ZNF506: variants seen among roughly 807,000 people sequenced by gnomAD.
The protein encoded by ZNF506 is zinc finger protein 506.
Under a neutral mutation model 11.6 loss-of-function variants are expected in ZNF506, and 10 were observed. The observed-to-expected ratio is 0.86, with a 90% confidence interval of 0.53 to 1.46. The LOEUF is 1.46. Ranked by LOEUF, ZNF506 falls within the 40% of genes most tolerant of loss-of-function variation. The probability of loss-of-function intolerance (pLI) is 0.00; values close to 1 mark genes in which losing one functional copy is unlikely to be tolerated. For synonymous variants in ZNF506, 156 were observed against 173.3 expected, an observed-to-expected ratio of 0.90 and a Z score of 0.78; for missense variants, 425 against 521.2, an observed-to-expected ratio of 0.82 and a Z score of 1.80.
In ZNF506 at chr19:19,816,060, A is replaced by G. The variant is rs1599528325; in HGVS notation, c.3+5541T>C. Among the ~76,000 whole-genome samples the G allele has an allele frequency of 3.3e-5, 5 of 152,156 alleles. No homozygotes were observed. In the South Asian group the frequency reaches 1.0e-3, roughly 32 times the overall value. On this transcript the variant is annotated intron_variant, in intron 1 of 3. Transcript: ENST00000540806. Reference sequence around the variant, plus strand: ...AAACACCCTTCCCATTATGAGTTAGATGGTGCTCTCTTTTCTTACCTATCA... The same window carrying G: ...AAACACCCTTCCCATTATGAGTTAGGTGGTGCTCTCTTTTCTTACCTATCA...
At chr19:19,821,492 C>T (rs1209168496) in intron 1 of ZNF506, 109 bp downstream of exon 1, 10 of 1,422,664 alleles carry the variant, frequency 7.0e-6, no homozygotes, top group African/African-American at 4.2e-5. Flanking sequence ...GATTGTGGAG[C>T]TGACTGCCGG....
Position 19,804,921 on chromosome 19 carries a change from C to T in ZNF506, c.226+1110G>A, listed in dbSNP as rs565213153. On this transcript the variant is annotated intron_variant, in intron 3 of 3. Coordinates refer to ENST00000540806, the MANE Select transcript of ZNF506 (RefSeq NM_001099269.3). ...ACACAGGGCAGGGAACATCACACACCGGGGCCTGTCATGGGGTGGGGGGAT... is the reference window on the plus strand; with the variant it reads ...ACACAGGGCAGGGAACATCACACACTGGGGCCTGTCATGGGGTGGGGGGAT... Among the ~76,000 whole-genome samples the T allele has an allele frequency of 1.7e-4, 25 of 147,742 alleles. No individual in the cohort carries two copies. In the East Asian group the frequency reaches 4.0e-3, roughly 24 times the overall value.
Position 19,795,372 on chromosome 19 carries a change from G to T in ZNF506, c.515C>A (p.Ser172Tyr), listed in dbSNP as rs1395662079. Residue 172 changes from serine (S) to tyrosine (Y), a missense_variant, in exon 4 of 4, where the codon TCT becomes TAT. Around this residue, in one of 3 missense-constraint regions of ZNF506, gnomAD observed 226 missense variants for 279.1 expected, o/e 0.81. Coordinates refer to ENST00000540806, the MANE Select transcript of ZNF506 (RefSeq NM_001099269.3). The stretch of plus-strand genomic sequence containing the variant: ...TTTCCCATATTCTATACATTTAAAA[G>T]ATTTTTTTCCAGTATCTCTTATCTT... Reference protein sequence around the residue: ...KHKIRDTGKKSFKCIEYGKTF... With the variant: ...KHKIRDTGKKYFKCIEYGKTF... The T allele has an allele frequency of 4.4e-6, 7 of 1,608,178 alleles. No individual in the cohort carries two copies. The highest frequency in any genetic ancestry group is 3.3e-5 in the South Asian group (3 of 90,020).
At position 19,795,049 on chromosome 19, in the gene ZNF506, T is replaced by G; in HGVS notation, c.838A>C (p.Thr280Pro). Residue 280 changes from threonine to proline, a missense_variant, in exon 4 of 4, where the codon ACT becomes CCT. Transcript: ENST00000540806. ...TCACACTTGTATGGTTTCTCTCCAGTATGAATTTTCTTATGTGAAAAAAGG... is the reference window on the plus strand; with the variant it reads ...TCACACTTGTATGGTTTCTCTCCAGGATGAATTTTCTTATGTGAAAAAAGG... Reference protein sequence around the residue: ...ATLFSHKKIHTGEKPYKCDKC... With the variant: ...ATLFSHKKIHPGEKPYKCDKC... The G allele has an allele frequency of 6.2e-7, 1 of 1,613,894 alleles. No individual in the cohort carries two copies.
At position 19,806,097 on chromosome 19, in the gene ZNF506, T is replaced by TGATC; in HGVS notation, c.156_159dup (p.Thr54AspfsTer17). 1 of 1,606,354 alleles carries TGATC rather than the reference T, an allele frequency of 6.2e-7. No individual in the cohort carries two copies. The highest frequency in any genetic ancestry group is 8.5e-7 in the Non-Finnish European group (1 of 1,177,984). On this transcript the variant is annotated frameshift_variant, in exon 3 of 4. Transcript: ENST00000540806. LOFTEE classifies it high-confidence loss of function. ...GGTTTTTTTCCTTGCTCCAGACAGGTGATCAGGTTTGGTTTAGAGACAACA... is the reference window on the plus strand; with the variant it reads ...GGTTTTTTTCCTTGCTCCAGACAGGTGATCGATCAGGTTTGGTTTAGAGACAACA...
rs201242017 is a variant in ZNF506 at position 19,819,189 on chromosome 19, G to GT, written c.3+2411dup. 9.8e-4 allele frequency among the ~76,000 whole-genome samples: 149 copies of GT among 151,738 alleles called. 1 individual carries two copies. Among genetic ancestry groups the GT allele is most frequent in the African/African-American group, 3.4e-3 (141 of 41,348 alleles). ...TTTTTACGCCCTCTCACTGGGGTCA[G>GT]TTTTTTTTGTCTTTTGAAGTGTTTT... is the stretch of plus-strand genomic sequence containing the variant. On this transcript the variant is annotated intron_variant, in intron 1 of 3. Coordinates refer to ENST00000540806, the MANE Select transcript of ZNF506 (RefSeq NM_001099269.3).
At chr19:19,812,968 C>T (rs1239077039) in intron 1 of ZNF506, among the ~76,000 whole-genome samples, 1 of 152,168 alleles carries the variant, frequency 6.6e-6, no homozygotes, top group African/African-American at 2.4e-5. Flanking sequence ...CATCTCCTAG[C>T]CATTGAATAG....
Position 19,809,193 on chromosome 19 carries a change from C to T in ZNF506, c.4-2125G>A, listed in dbSNP as rs189581122. Among the ~76,000 whole-genome samples the T allele has an allele frequency of 6.6e-5, 10 of 152,224 alleles. No individual in the cohort carries two copies. In the East Asian group the frequency reaches 1.9e-3, roughly 29 times the overall value. On this transcript the variant is annotated intron_variant, in intron 1 of 3. Transcript: ENST00000540806. ...CACAAAGGAAACATTTTTAATATTG[C>T]AGATTATAAATTATTGCTGAGAATC...
chr19:19,802,092 C>T (rs893769560), intron 3 of ZNF506, among the ~76,000 whole-genome samples: 1 of 150,780 alleles, frequency 6.6e-6, no homozygotes, highest in African/African-American at 2.4e-5. Context: ...GTAATTGCAG[C>T]TACTTGGGAG....
chr19:19,801,800 A>G (rs1179482850), intron 3 of ZNF506, among the ~76,000 whole-genome samples: 1 of 151,444 alleles, frequency 6.6e-6, no homozygotes, highest in Non-Finnish European at 1.5e-5. Flanking sequence ...CAAAAAAAAA[A>G]GAGAAACCTA....
At chr19:19,807,102 T>G in intron 1 of ZNF506, 34 bp from the exon 2 acceptor site, 1 of 1,610,326 alleles carries the variant, frequency 6.2e-7, no homozygotes, top group Non-Finnish European at 8.5e-7. Flanking sequence ...TTTTACCAAG[T>G]GGCCATGGGT....
At chr19:19,799,449 A>G in intron 3 of ZNF506, 1 of 676,082 alleles carries the variant, frequency 1.5e-6, no homozygotes, top group South Asian at 1.6e-5. Context: ...TTTATAGACC[A>G]CCTGTTAGGT....
At position 19,795,234 on chromosome 19, in the gene ZNF506, GTAGTAAGGTGTGAGGACTGCTTA is replaced by G; in HGVS notation, c.630_652del (p.Lys211ThrfsTer2). The G allele has an allele frequency of 6.2e-7, 1 of 1,613,888 alleles. No individual in the cohort carries two copies. The highest frequency in any genetic ancestry group is 8.5e-7 in the Non-Finnish European group (1 of 1,179,930). On this transcript the variant is annotated frameshift_variant, in exon 4 of 4. Transcript: ENST00000540806. LOFTEE classifies it low-confidence loss of function (END_TRUNC). ...CTCTCCAGTATGAATTTTCTTATGT[GTAGTAAGGTGTGAGGACTGCTTA>G]TAGGCTTTACCACATTCTTCACATT... is the stretch of plus-strand genomic sequence containing the variant.
chr19:19,795,426 A>G lies in ZNF506; in HGVS notation c.461T>C (p.Leu154Ser). The G allele has an allele frequency of 1.3e-6, 2 of 1,595,026 alleles. No individual in the cohort carries two copies. Among genetic ancestry groups the G allele is most frequent in the South Asian group, 2.3e-5 (2 of 87,066 alleles). Residue 154 changes from leucine (L) to serine (S), a missense_variant, in exon 4 of 4, where the codon TTG becomes TCG. Transcript: ENST00000540806. Reference sequence around the variant, plus strand: ...TTTGTTTGAATTTGAAAATTTATGCAAGAATTTCACATATTCATCACATTG... The same window carrying G: ...TTTGTTTGAATTTGAAAATTTATGCGAGAATTTCACATATTCATCACATTG... ...IFQCDEYVKFLHKFSNSNKHK... is the reference protein window; with the variant it reads ...IFQCDEYVKFSHKFSNSNKHK...
rs755978025 is a variant in ZNF506 at position 19,795,396 on chromosome 19, T to C, written c.491A>G (p.Lys164Arg). 6 of 1,596,108 alleles carry C rather than the reference T, an allele frequency of 3.8e-6. No individual in the cohort carries two copies. The highest frequency in any genetic ancestry group is 5.1e-6 in the Non-Finnish European group (6 of 1,174,048). The change falls in exon 4 of 4, where the codon AAG becomes AGG. Residue 164 changes from lysine to arginine, a missense_variant. Lys to Arg is a conservative substitution (Grantham distance 26, BLOSUM62 2). Around this residue, in one of 3 missense-constraint regions of ZNF506, gnomAD observed 226 missense variants for 279.1 expected, o/e 0.81. Transcript: ENST00000540806. ...AGATTTTTTTCCAGTATCTCTTATC[T>C]TATGTTTGTTTGAATTTGAAAATTT... ...LHKFSNSNKH[K>R]IRDTGKKSFK...
Position 19,795,305 on chromosome 19 carries a change from A to C in ZNF506, c.582T>G (p.Ile194Met). 6.2e-7 allele frequency: 1 copy of C among 1,613,964 alleles called. No individual in the cohort carries two copies. Among genetic ancestry groups the C allele is most frequent in the East Asian group, 2.2e-5 (1 of 44,854 alleles). The change falls in exon 4 of 4, where the codon ATT becomes ATG. Residue 194 changes from isoleucine (I) to methionine (M), a missense_variant. Ile to Met is a conservative substitution (Grantham distance 10). Around this residue, in one of 3 missense-constraint regions of ZNF506, gnomAD observed 226 missense variants for 279.1 expected, o/e 0.81. Transcript: ENST00000540806. The stretch of plus-strand genomic sequence containing the variant: ...ATTTATAGCGTTTCTCTCCAGCATC[A>C]ATTTTCTTATATGTAGTACGGGTTG... Reference protein sequence around the residue: ...QSSTRTTYKKIDAGEKRYKCE... With the variant: ...QSSTRTTYKKMDAGEKRYKCE...
At chr19:19,821,377 A>AC (rs2062966070) in intron 1 of ZNF506, among the ~76,000 whole-genome samples, 1 of 152,152 alleles carries the variant, frequency 6.6e-6, no homozygotes, top group African/African-American at 2.4e-5. Flanking sequence ...ACGCCAGGGC[A>AC]CAGTCACTGC....
chr19:19,814,218 G>A (rs1053396068), intron 1 of ZNF506, among the ~76,000 whole-genome samples: 6 of 151,846 alleles, frequency 4.0e-5, no homozygotes, highest in Admixed American at 1.3e-4. Flanking sequence ...AGACCAGCCT[G>A]ACCAACATGG....
At chr19:19,810,747 T>G (rs2062877029) in intron 1 of ZNF506, among the ~76,000 whole-genome samples, 1 of 152,190 alleles carries the variant, frequency 6.6e-6, no homozygotes, top group African/African-American at 2.4e-5. Flanking sequence ...AGCATTGGTT[T>G]TAATACAACA....
Sources: allele counts gnomAD v4.1 joint callset (sites outside exome capture counted in the v4.1 genomes callset), GRCh38; gene constraint gnomAD v4.1.1; regional missense constraint gnomAD v4.1.1; transcripts MANE v1.5; gene names NCBI Gene and HGNC (gene_info 2026-07-23, HGNC 2026-07-21).